Variants in ZBTB26 observed in about 807,000 individuals in gnomAD.
The protein encoded by ZBTB26 is zinc finger and BTB domain-containing protein 26.
Under a neutral mutation model 31.6 loss-of-function variants are expected in ZBTB26, and 12 were observed. The observed-to-expected ratio is 0.38, with a 90% CI of 0.24 to 0.61. ZBTB26 has a LOEUF of 0.61. Among genes scored for constraint, ZBTB26 ranks in the 20% least tolerant of loss-of-function variants. The probability of loss-of-function intolerance (pLI) is 0.60; values close to 1 mark genes in which losing one functional copy is unlikely to be tolerated. For synonymous variants in ZBTB26, 155 were observed against 182.9 expected, an observed-to-expected ratio of 0.85 and a Z score of 1.23; for missense variants, 311 against 521.9, an observed-to-expected ratio of 0.60 and a Z score of 3.94.
At chr9:122,923,043 G>A (rs1833125002) in intron 1 of ZBTB26, among the ~76,000 whole-genome samples, 1 of 151,984 alleles carries the variant, frequency 6.6e-6, no homozygotes, top group Non-Finnish European at 1.5e-5. Context: ...AAATTACCCG[G>A]CATGGTGGCG....
chr9:122,918,265 T>TA lies in ZBTB26; in HGVS notation c.*343_*344insT. The TA allele has an allele frequency of 4.4e-6, 1 of 228,412 alleles. No individual in the cohort carries two copies. The highest frequency in any genetic ancestry group is 5.1e-5 in the Admixed American group (1 of 19,432). 14.1% of individuals were successfully genotyped at this position (228,412 alleles called of 1,614,324 possible). On this transcript the variant is annotated 3_prime_UTR_variant, in exon 2 of 2. Coordinates refer to ENST00000373656, the MANE Select transcript of ZBTB26 (RefSeq NM_020924.4). ...ATAGCATCTATTAGTGGAGAGTAGGTGACGTTATTAACTTGTTGGTACCTT... is the reference window on the plus strand; with the variant it reads ...ATAGCATCTATTAGTGGAGAGTAGGTAGACGTTATTAACTTGTTGGTACCTT...
intron 1 of ZBTB26, among the ~76,000 whole-genome samples, chr9:122,923,212 A>AGAGAGGT (rs1404604046): frequency 6.6e-6 from 1 of 151,330 alleles, no homozygotes; most frequent in African/African-American, 2.4e-5. Context: ...AAAAAAAGAA[A>AGAGAGGT]GAGAGGTGAA....
At chr9:122,924,479 G>A (rs1455011286) in intron 1 of ZBTB26, among the ~76,000 whole-genome samples, 1 of 152,066 alleles carries the variant, frequency 6.6e-6, no homozygotes, top group Non-Finnish European at 1.5e-5. Context: ...AGTTCTTAAT[G>A]TTCCCCCATG....
At chr9:122,926,280 C>T (rs1322804279) in intron 1 of ZBTB26, among the ~76,000 whole-genome samples, 3 of 151,694 alleles carry the variant, frequency 2.0e-5, no homozygotes, top group African/African-American at 7.2e-5. Flanking sequence ...TTTGGGAGGC[C>T]GAGGTGGGCA....
At chr9:122,930,592 C>G (rs544282107) in intron 1 of ZBTB26, among the ~76,000 whole-genome samples, 14 of 152,262 alleles carry the variant, frequency 9.2e-5, no homozygotes, top group African/African-American at 3.4e-4. Flanking sequence ...ATATTCTGTT[C>G]CGAACTCTTC....
intron 1 of ZBTB26, among the ~76,000 whole-genome samples, chr9:122,929,500 C>T (rs913809996): frequency 5.3e-5 from 8 of 152,308 alleles, no homozygotes; most frequent in Admixed American, 2.0e-4. Flanking sequence ...TGCTCAACTA[C>T]TTTCTGTGTA....
intron 1 of ZBTB26, among the ~76,000 whole-genome samples, chr9:122,929,144 G>A (rs1480782778): frequency 6.6e-6 from 1 of 152,180 alleles, no homozygotes; most frequent in Non-Finnish European, 1.5e-5. Context: ...AGCCAGAGAA[G>A]CCTGCATGAC....
rs141311562 is a variant in ZBTB26, at chr9:122,920,556, C to T, written c.-10-612G>A. 5.1e-4 allele frequency among the ~76,000 whole-genome samples: 78 copies of T among 152,218 alleles called. No individual in the cohort carries two copies. The East Asian group carries it at 0.013, about 25-fold the overall frequency. On this transcript the variant is annotated intron_variant, in intron 1 of 1. Transcript: ENST00000373656. ...CTGCTTGTCCAATTCCTGGCCAAGC[C>T]CTTTTCTGTTTAAATTGATATGAAC...
intron 1 of ZBTB26, among the ~76,000 whole-genome samples, chr9:122,925,640 C>T (rs1487423123): frequency 6.6e-6 from 1 of 152,020 alleles, no homozygotes; most frequent in Non-Finnish European, 1.5e-5. Flanking sequence ...CTCTTGTTGC[C>T]CAGGCTGGAG....
chr9:122,919,752 T>C lies in ZBTB26; in HGVS notation c.183A>G (p.Gln61=), dbSNP rs200467317. 2.6e-4 allele frequency: 419 copies of C among 1,613,926 alleles called. 1 individual carries two copies. Among genetic ancestry groups the C allele is most frequent in the Middle Eastern group, 2.0e-3 (12 of 6,084 alleles). ...FAAGSPFLRD[Q]FLLNDSREVK... ...CCTCTCTGGAATCATTCAGTAAAAA[T>C]TGGTCTCTTAAGAAGGGGGAACCTG... Residue 61 remains glutamine (Q), a synonymous_variant, in exon 2 of 2, where the codon CAA becomes CAG. Transcript: ENST00000373656. The surrounding 1 kb of genome is among the most constrained non-coding windows in gnomAD (Gnocchi z 6.1).
intron 1 of ZBTB26, among the ~76,000 whole-genome samples, chr9:122,920,790 C>T (rs768220877): frequency 2.0e-5 from 3 of 152,138 alleles, no homozygotes; most frequent in South Asian, 2.1e-4. Context: ...TAACATAGAT[C>T]GAATCAATCC....
In ZBTB26 at chr9:122,919,442, A is replaced by G. The variant is rs1310710381; in HGVS notation, c.493T>C (p.Cys165Arg). ...ARGSPKQDSP[C>R]IHPSEDSMDM... Reference sequence around the variant, plus strand: ...ATACTGTCTTCAGATGGATGAATACAAGGTGAGTCCTGCTTTGGGGAGCCT... The same window carrying G: ...ATACTGTCTTCAGATGGATGAATACGAGGTGAGTCCTGCTTTGGGGAGCCT... The change falls in exon 2 of 2, where the codon TGT becomes CGT. Residue 165 changes from cysteine to arginine, a missense_variant. Cys to Arg is a radical substitution (Grantham distance 180, BLOSUM62 -3). This residue lies in a region of ZBTB26 where 207 missense variants were observed against 298.6 expected (regional missense o/e 0.69). Transcript: ENST00000373656. The surrounding 1 kb of genome is among the most constrained non-coding windows in gnomAD (Gnocchi z 6.1). 6.2e-7 allele frequency: 1 copy of G among 1,614,210 alleles called. No homozygotes were observed. Among genetic ancestry groups the G allele is most frequent in the South Asian group, 1.1e-5 (1 of 91,082 alleles).
chr9:122,922,255 A>G lies in ZBTB26; in HGVS notation c.-10-2311T>C, dbSNP rs1833113099. On this transcript the variant is annotated intron_variant, in intron 1 of 1. Coordinates refer to ENST00000373656, the MANE Select transcript of ZBTB26 (RefSeq NM_020924.4). ...TCTGTCTAAAAAAACAAAGTAAAAT[A>G]AAACAAACAAAAACACCACTTTCTA... Among the ~76,000 whole-genome samples the G allele has an allele frequency of 2.0e-5, 3 of 152,160 alleles. No homozygotes were observed. In the South Asian group the frequency reaches 6.2e-4, roughly 31 times the overall value.
At position 122,916,391 on chromosome 9, in the gene ZBTB26, A is replaced by G. The variant is rs1250039401; in HGVS notation, c.*2218T>C. 2.0e-5 allele frequency: 3 copies of G among 152,234 alleles called. No individual in the cohort carries two copies. Among genetic ancestry groups the G allele is most frequent in the Non-Finnish European group, 2.9e-5 (2 of 68,038 alleles). The allele number at this position is 152,234 out of a possible 1,614,324, so 9.4% of individuals were successfully genotyped here. On this transcript the variant is annotated 3_prime_UTR_variant, in exon 2 of 2. Transcript: ENST00000373656. ...ATCTAGCATAGTGTCTAGCAACAGTAGGTGCTTAACTAATGTTTCTTGAAC... is the reference window on the plus strand; with the variant it reads ...ATCTAGCATAGTGTCTAGCAACAGTGGGTGCTTAACTAATGTTTCTTGAAC...
rs1022523849 is a variant in ZBTB26, at chr9:122,926,506, C to CAA, written c.-11+4929_-11+4930dup. Among the ~76,000 whole-genome samples the CAA allele has an allele frequency of 4.8e-4, 30 of 62,114 alleles. No individual in the cohort carries two copies. The South Asian group carries it at 0.01, about 21-fold the overall frequency. The allele number at this position is 62,114 out of a possible 152,430, so 40.7% of individuals were successfully genotyped here. ...TGGGCGACAGAGCGAGACTCCGTCTCAAAAAAAAAAAAAAAAAAAATTGTG... is the reference window on the plus strand; with the variant it reads ...TGGGCGACAGAGCGAGACTCCGTCTCAAAAAAAAAAAAAAAAAAAAAATTGTG... On this transcript the variant is annotated intron_variant, in intron 1 of 1. Coordinates refer to ENST00000373656, the MANE Select transcript of ZBTB26 (RefSeq NM_020924.4).
intron 1 of ZBTB26, among the ~76,000 whole-genome samples, chr9:122,926,069 A>G (rs922695160): frequency 5.5e-4 from 83 of 151,342 alleles, no homozygotes; most frequent in African/African-American, 2.0e-3. Flanking sequence ...TAATTTTTGG[A>G]TTTTTAGTAG....
At chr9:122,922,450 G>A (rs1270383978) in intron 1 of ZBTB26, among the ~76,000 whole-genome samples, 3 of 152,186 alleles carry the variant, frequency 2.0e-5, no homozygotes, top group African/African-American at 7.2e-5. Context: ...TTAGGGGGAA[G>A]TATCTCCATC....
intron 1 of ZBTB26, among the ~76,000 whole-genome samples, chr9:122,921,905 TG>T (rs1411797237): frequency 6.6e-6 from 1 of 151,224 alleles, no homozygotes; most frequent in African/African-American, 2.4e-5. Context: ...CACTCCAGCC[TG>T]GGCAACAAGA....
In ZBTB26 at chr9:122,917,130, G is replaced by C. The variant is rs1199785359; in HGVS notation, c.*1479C>G. On this transcript the variant is annotated 3_prime_UTR_variant, in exon 2 of 2. Transcript: ENST00000373656. The stretch of plus-strand genomic sequence containing the variant: ...TGCGATATTTTGTTGGCAAAATTCA[G>C]GTTGTCTCAGAAAGCCAACAGGGAG... The C allele has an allele frequency of 6.6e-6, 1 of 152,124 alleles. No homozygotes were observed. The highest frequency in any genetic ancestry group is 2.4e-5 in the African/African-American group (1 of 41,430). 9.4% of individuals were successfully genotyped at this position (152,124 alleles called of 1,614,324 possible).
Sources: allele counts gnomAD v4.1 joint callset (sites outside exome capture counted in the v4.1 genomes callset), GRCh38; gene constraint gnomAD v4.1.1; regional missense constraint gnomAD v4.1.1; non-coding constraint Gnocchi (gnomAD v3.1); transcripts MANE v1.5; gene names NCBI Gene and HGNC (gene_info 2026-07-23, HGNC 2026-07-21).